FGF14: variants seen among roughly 807,000 people sequenced by gnomAD.
The protein encoded by FGF14 is fibroblast growth factor homologous factor 4.
FGF14 carries 5 observed loss-of-function variants against 25.5 expected under a neutral mutation model. The ratio of observed to expected loss-of-function variants is 0.20; its 90% CI spans 0.10 to 0.41. The LOEUF is 0.41. FGF14 is among the 10% of genes least tolerant of loss of function. The pLI, the probability that FGF14 is intolerant of heterozygous loss-of-function variation, is 1.00. For synonymous variants in FGF14, 138 were observed against 118.3 expected (o/e 1.17, Z -1.08); for missense variants, 222 against 320.1 (o/e 0.69, Z 2.34).
intron 1 of FGF14, among the ~76,000 whole-genome samples, chr13:102,114,023 C>T (rs1042507424): frequency 7.2e-5 from 11 of 152,166 alleles, no homozygotes; most frequent in Admixed American, 6.5e-4. Context: ...AATCCTTCAA[C>T]CATCAAGAGG....
chr13:102,205,915 T>C (rs9582563), intron 1 of FGF14, among the ~76,000 whole-genome samples: 57,243 of 140,296 alleles, frequency 0.41, 12,812 homozygotes, highest in African/African-American at 0.63. Flanking sequence ...GACTATCCAG[T>C]TGGGGTGACG....
At chr13:101,761,217 C>T (rs573808587) in intron 3 of FGF14, among the ~76,000 whole-genome samples, 19 of 152,198 alleles carry the variant, frequency 1.2e-4, no homozygotes, top group Admixed American at 3.3e-4. Context: ...ATATAATTTG[C>T]GAACCTTCAA....
At position 102,194,598 on chromosome 13, in the gene FGF14, C is replaced by G. The variant is rs557849080; in HGVS notation, c.208+206873G>C. 3.3e-5 allele frequency among the ~76,000 whole-genome samples: 5 copies of G among 152,196 alleles called. No homozygotes were observed. In the South Asian group the frequency reaches 1.0e-3, roughly 32 times the overall value. On this transcript the variant is annotated intron_variant, in intron 1 of 4. Transcript: ENST00000376131. Reference sequence around the variant, plus strand: ...AATAATGAAGAAAAATGAACAAAGTCTCCAATGTCCCTGTGATGCTATCAA... The same window carrying G: ...AATAATGAAGAAAAATGAACAAAGTGTCCAATGTCCCTGTGATGCTATCAA...
intron 1 of FGF14, among the ~76,000 whole-genome samples, chr13:102,212,003 T>C (rs887055164): frequency 8.5e-5 from 13 of 152,206 alleles, no homozygotes; most frequent in African/African-American, 3.1e-4. Context: ...CTTTCACAGT[T>C]ACTCAGTTGT....
chr13:102,020,360 C>T (rs2040571863), intron 1 of FGF14, among the ~76,000 whole-genome samples: 1 of 151,878 alleles, frequency 6.6e-6, no homozygotes, highest in Non-Finnish European at 1.5e-5. Context: ...ACCAGCCTGA[C>T]CAACATGGTG....
At chr13:102,311,809 C>G (rs1353466130) in intron 1 of FGF14, among the ~76,000 whole-genome samples, 1 of 152,136 alleles carries the variant, frequency 6.6e-6, no homozygotes, top group Non-Finnish European at 1.5e-5. Context: ...CTTAGAAATA[C>G]AGAAGGCATA....
intron 1 of FGF14, among the ~76,000 whole-genome samples, chr13:101,893,220 G>A (rs1042980811): frequency 3.9e-5 from 6 of 152,194 alleles, no homozygotes; most frequent in Admixed American, 2.6e-4. Context: ...CAAATGGCTA[G>A]TTCCTATTCA....
intron 3 of FGF14, among the ~76,000 whole-genome samples, chr13:101,828,784 AG>A (rs2042530641): frequency 6.6e-6 from 1 of 152,142 alleles, no homozygotes; most frequent in Non-Finnish European, 1.5e-5. Context: ...TTAAAAAAGA[AG>A]GGACATGTAT....
intron 1 of FGF14, among the ~76,000 whole-genome samples, chr13:101,950,755 T>G (rs940502288): frequency 1.0e-5 from 1 of 96,670 alleles, no homozygotes; most frequent in South Asian, 2.4e-4. Flanking sequence ...AATCATGTTT[T>G]TTTTTTTTTT....
At chr13:102,188,799 G>T (rs2048973247) in intron 1 of FGF14, among the ~76,000 whole-genome samples, 1 of 151,694 alleles carries the variant, frequency 6.6e-6, no homozygotes, top group Non-Finnish European at 1.5e-5. Flanking sequence ...AAATTACCTG[G>T]GCATGGTGGC....
At chr13:102,038,993 C>T (rs2041605884) in intron 1 of FGF14, among the ~76,000 whole-genome samples, 1 of 152,136 alleles carries the variant, frequency 6.6e-6, no homozygotes, top group Admixed American at 6.5e-5. Context: ...CATGGATTAG[C>T]TCATTTAATT....
In FGF14 at chr13:101,717,056, C is replaced by T. The variant is rs1035099147; in HGVS notation, c.*5775G>A. On this transcript the variant is annotated 3_prime_UTR_variant, in exon 5 of 5. Transcript: ENST00000376143. ...TAAAGGTGAATTACTTTGTAAAATC[C>T]TAGAATAATGTAGCAAAATCATTTC... 1.3e-5 allele frequency: 2 copies of T among 151,328 alleles called. No homozygotes were observed. The highest frequency in any genetic ancestry group is 4.9e-5 in the African/African-American group (2 of 41,206). The allele number at this position is 151,328 out of a possible 1,614,324, so 9.4% of individuals were successfully genotyped here. A position where few individuals can be genotyped will look rare whatever the true frequency, so the allele number is the denominator to read the frequency against.
Position 102,303,073 on chromosome 13 carries a change from G to A in FGF14, c.208+98398C>T, listed in dbSNP as rs148383705. ...CATCATCTCCTACCACTTTCTCCCC[G>A]ACTCACTCTGCTCCACCCAAAGTGG... On this transcript the variant is annotated intron_variant, in intron 1 of 4. Coordinates refer to the FGF14 transcript ENST00000376131. Among the ~76,000 whole-genome samples, 5 of 152,158 alleles carry A rather than the reference G, an allele frequency of 3.3e-5. No homozygotes were observed. In the East Asian group the frequency reaches 7.7e-4, roughly 24 times the overall value.
chr13:102,300,965 G>T, intron 1 of FGF14, among the ~76,000 whole-genome samples: 1 of 140,790 alleles, frequency 7.1e-6, no homozygotes, highest in African/African-American at 2.6e-5. Flanking sequence ...ACACACACAC[G>T]TTTAACCTTA....
At position 102,376,372 on chromosome 13, in the gene FGF14, C is replaced by A. The variant is rs898000349; in HGVS notation, c.208+25099G>T. 2.6e-5 allele frequency among the ~76,000 whole-genome samples: 4 copies of A among 152,298 alleles called. No individual in the cohort carries two copies. In the East Asian group the frequency reaches 7.7e-4, roughly 29 times the overall value. ...AACTGTGAGTCAATTAAACCTCTTT[C>A]CTTTATAAATTACCCAGTCTCAGAT... On this transcript the variant is annotated intron_variant, in intron 1 of 4. Coordinates refer to the FGF14 transcript ENST00000376131.
upstream of FGF14, among the ~76,000 whole-genome samples, chr13:101,918,844 C>A (rs1436069725): frequency 6.6e-6 from 1 of 152,202 alleles, no homozygotes; most frequent in East Asian, 1.9e-4. Context: ...AAGTGTACTT[C>A]TGGAAGTTTA....
intron 1 of FGF14, among the ~76,000 whole-genome samples, chr13:101,901,183 TAAAG>T (rs751840081): frequency 6.6e-5 from 10 of 151,652 alleles, no homozygotes; most frequent in Non-Finnish European, 1.2e-4. Context: ...CAAGAAAATA[TAAAG>T]AAAGTCTTTC....
intron 3 of FGF14, among the ~76,000 whole-genome samples, chr13:101,842,541 A>C (rs1439982671): frequency 2.6e-5 from 4 of 152,036 alleles, no homozygotes; most frequent in Non-Finnish European, 4.4e-5. Context: ...TCAGGAAGCC[A>C]AAGGGTATGT....
intron 3 of FGF14, among the ~76,000 whole-genome samples, chr13:101,742,666 G>T (rs112863837): frequency 6.6e-6 from 1 of 152,124 alleles, no homozygotes; most frequent in East Asian, 1.9e-4. Context: ...ATTAAAAGAT[G>T]TGAAAGAAAA....
Sources: allele counts gnomAD v4.1 joint callset (sites outside exome capture counted in the v4.1 genomes callset), GRCh38; gene constraint gnomAD v4.1.1; transcripts MANE v1.5; gene names NCBI Gene and HGNC (gene_info 2026-07-23, HGNC 2026-07-21).